NEO1: variants seen among roughly 807,000 people sequenced by gnomAD.
The protein encoded by NEO1 is neogenin 1.
NEO1 carries 63 observed loss-of-function variants against 159.7 expected under a neutral mutation model. The observed-to-expected ratio is 0.39, with a 90% confidence interval of 0.32 to 0.49. The LOEUF is 0.49. Ranked by LOEUF, NEO1 falls within the 20% of genes least tolerant of loss-of-function variation. NEO1 has a pLI of 0.85. For missense variants in NEO1, 1,615 were observed against 1,831.0 expected (o/e 0.88, Z 2.15); for synonymous variants, 633 against 662.0 (o/e 0.96, Z 0.67).
chr15:73,213,154 G>C (rs2037676490), intron 7 of NEO1, among the ~76,000 whole-genome samples: 1 of 152,140 alleles, frequency 6.6e-6, no homozygotes, highest in African/African-American at 2.4e-5. Flanking sequence ...ACTACCTACA[G>C]CAGTAGTTGA....
chr15:73,156,187 C>T (rs1018656114), intron 5 of NEO1, among the ~76,000 whole-genome samples: 11 of 152,158 alleles, frequency 7.2e-5, no homozygotes, highest in African/African-American at 2.4e-4. Context: ...TGGGTATGCG[C>T]AGTGGCTTTA....
chr15:73,278,714 TCA>T (rs2041534168), intron 22 of NEO1, among the ~76,000 whole-genome samples: 1 of 152,222 alleles, frequency 6.6e-6, no homozygotes, highest in South Asian at 2.1e-4. Flanking sequence ...ACACATGAAG[TCA>T]CAATTGATTC....
At chr15:73,054,999 G>C (rs1235881129) in intron 1 of NEO1, among the ~76,000 whole-genome samples, 1 of 152,176 alleles carries the variant, frequency 6.6e-6, no homozygotes, top group Non-Finnish European at 1.5e-5. Context: ...GAAAAATAGA[G>C]ATGTGGGACA....
intron 5 of NEO1, among the ~76,000 whole-genome samples, chr15:73,148,542 A>G (rs2033110216): frequency 6.6e-6 from 1 of 152,098 alleles, no homozygotes; most frequent in Non-Finnish European, 1.5e-5. Flanking sequence ...ACCTATTTCT[A>G]CCCCTAACTG....
intron 2 of NEO1, among the ~76,000 whole-genome samples, chr15:73,119,733 A>T (rs925345514): frequency 1.3e-5 from 2 of 152,164 alleles, no homozygotes; most frequent in African/African-American, 4.8e-5. Context: ...CTACTCAGAA[A>T]TTTTTTGAAA....
chr15:73,168,573 A>G (rs768635272), intron 5 of NEO1, among the ~76,000 whole-genome samples: 28 of 152,268 alleles, frequency 1.8e-4, no homozygotes, highest in Admixed American at 6.5e-4. Flanking sequence ...GGAAAAGACA[A>G]TGAGACTAGG....
chr15:73,162,542 G>A (rs1364143785), intron 5 of NEO1, among the ~76,000 whole-genome samples: 1 of 151,944 alleles, frequency 6.6e-6, no homozygotes, highest in Non-Finnish European at 1.5e-5. Flanking sequence ...ATAGGTGTGC[G>A]TCACCATGCC....
At position 73,151,242 on chromosome 15, in the gene NEO1, A is replaced by G. The variant is rs770511640; in HGVS notation, c.1015+15215A>G. 1.9e-3 allele frequency among the ~76,000 whole-genome samples: 282 copies of G among 152,336 alleles called. 5 individuals carry two copies. Among genetic ancestry groups the G allele is most frequent in the Non-Finnish European group, 2.2e-3 (152 of 68,038 alleles). On this transcript the variant is annotated intron_variant, in intron 5 of 28. Transcript: ENST00000261908. ...ACGATTGCATATTGGCTGTTCTGGC[A>G]TCTTCCTTTGTGAGGTATTTTCTAA...
chr15:73,301,266 G>GA, intron 27 of NEO1, 55 bp from the exon 28 acceptor site: 1 of 1,609,148 alleles, frequency 6.2e-7, no homozygotes, highest in Non-Finnish European at 8.5e-7. Flanking sequence ...GGGCCTTCAT[G>GA]AGGTCTAGGG....
At chr15:73,292,501 C>T (rs2042198283) in intron 25 of NEO1, among the ~76,000 whole-genome samples, 1 of 152,222 alleles carries the variant, frequency 6.6e-6, no homozygotes, top group African/African-American at 2.4e-5. Context: ...AGTTTATTCT[C>T]AGACTCTGGG....
At chr15:73,186,067 A>G (rs1337479214) in intron 7 of NEO1, among the ~76,000 whole-genome samples, 1 of 152,092 alleles carries the variant, frequency 6.6e-6, no homozygotes, top group East Asian at 1.9e-4. Context: ...ACTTCTGGAA[A>G]CCAAACATGA....
rs910759243 is a variant in NEO1, at chr15:73,052,527, GCGGGC to G, written c.-133_-129del. 16 of 294,820 alleles carry G rather than the reference GCGGGC, an allele frequency of 5.4e-5. No individual in the cohort carries two copies. The highest frequency in any genetic ancestry group is 1.4e-4 in the African/African-American group (6 of 43,668). 18.3% of individuals were successfully genotyped at this position (294,820 alleles called of 1,614,324 possible). A position where few individuals can be genotyped will look rare whatever the true frequency, so the allele number is the denominator to read the frequency against. ...TCTCCCCTCCAGCGAGAGGGGCTGCGCGGGCCGGGCCGGGCCGGGCTGGGCTGGAG... is the reference window on the plus strand; with the variant it reads ...TCTCCCCTCCAGCGAGAGGGGCTGCGCGGGCCGGGCCGGGCTGGGCTGGAG... On this transcript the variant is annotated 5_prime_UTR_variant, in exon 1 of 29. Coordinates refer to ENST00000261908, the MANE Select transcript of NEO1 (RefSeq NM_002499.4).
chr15:73,174,732 T>C (rs1321455514), intron 5 of NEO1, among the ~76,000 whole-genome samples: 1 of 152,158 alleles, frequency 6.6e-6, no homozygotes, highest in East Asian at 1.9e-4. Context: ...CAAAAGCTCT[T>C]ATATATAGAT....
At chr15:73,174,983 G>T (rs2035200151) in intron 5 of NEO1, among the ~76,000 whole-genome samples, 1 of 152,118 alleles carries the variant, frequency 6.6e-6, no homozygotes, top group Non-Finnish European at 1.5e-5. Flanking sequence ...GGTTCTGCTT[G>T]ACTGGGGTTC....
intron 1 of NEO1, among the ~76,000 whole-genome samples, chr15:73,084,118 G>A (rs941695962): frequency 2.0e-5 from 3 of 151,598 alleles, no homozygotes; most frequent in Admixed American, 1.3e-4. Flanking sequence ...ACGTTTTTCT[G>A]TAGTGAGAAT....
intron 23 of NEO1, among the ~76,000 whole-genome samples, chr15:73,285,453 C>T (rs928794159): frequency 1.3e-5 from 2 of 152,184 alleles, no homozygotes; most frequent in Non-Finnish European, 1.5e-5. Flanking sequence ...TGTATTGGCA[C>T]GTCCTACAGA....
rs78466297 is a variant in NEO1 at position 73,173,530 on chromosome 15, C to T, written c.1016-2873C>T. Among the ~76,000 whole-genome samples the T allele has an allele frequency of 7.3e-3, 1,104 of 151,878 alleles. 15 individuals are homozygous for T. Among genetic ancestry groups the T allele is most frequent in the East Asian group, 0.048 (250 of 5,168 alleles). On this transcript the variant is annotated intron_variant, in intron 5 of 28. Transcript: ENST00000261908. ...GATACTTAGTAAGTCTAGTTTGTTT[C>T]GTAGAAATATTAGAAGAAAATACAA...
chr15:73,055,036 A>G (rs2067634128), intron 1 of NEO1, among the ~76,000 whole-genome samples: 2 of 152,186 alleles, frequency 1.3e-5, no homozygotes, highest in South Asian at 4.1e-4. Flanking sequence ...GTGTTTTTCC[A>G]TCTGAGGTTA....
intron 25 of NEO1, among the ~76,000 whole-genome samples, chr15:73,292,294 C>T (rs1488068412): frequency 6.6e-6 from 1 of 152,126 alleles, no homozygotes; most frequent in Non-Finnish European, 1.5e-5. Flanking sequence ...TCCTTGGGGA[C>T]AGAAGACATT....
Sources: gnomAD v4.1 joint callset for allele counts (sites outside exome capture counted in the v4.1 genomes callset) on GRCh38, gnomAD v4.1.1 for gene constraint, MANE v1.5 for transcripts, NCBI Gene and HGNC (gene_info 2026-07-23, HGNC 2026-07-21) for gene names.